Variants in CLCN6 observed in about 807,000 individuals in gnomAD.
The protein encoded by CLCN6 is H(+)/Cl(-) exchange transporter 6.
Under a neutral mutation model 109.8 loss-of-function variants are expected in CLCN6, and 70 were observed. The ratio of observed to expected loss-of-function variants is 0.64; its 90% CI spans 0.53 to 0.78. The LOEUF is 0.78. Among genes scored for constraint, CLCN6 ranks in the 30% least tolerant of loss-of-function variants. CLCN6 has a pLI of 0.00. For missense variants in CLCN6, 984 were observed against 1,142.3 expected (o/e 0.86, Z 2.00); for synonymous variants, 444 against 447.8 (o/e 0.99, Z 0.11).
intron 2 of CLCN6, among the ~76,000 whole-genome samples, chr1:11,813,325 A>T (rs114917281): frequency 0.011 from 1,625 of 152,190 alleles, 26 homozygotes; most frequent in African/African-American, 0.037. Flanking sequence ...TTAATCACTT[A>T]TGGATGAGTC....
In CLCN6 at chr1:11,830,893, G is replaced by A. The variant is rs916844417; in HGVS notation, c.1248+1571G>A. ...CTGTTACCCAGGCCGGAGTGCAGTG[G>A]CGCGATCTTGGCCCACTGCAACTTC... is the stretch of plus-strand genomic sequence containing the variant. On this transcript the variant is annotated intron_variant, in intron 13 of 22. Transcript: ENST00000346436. Among the ~76,000 whole-genome samples the A allele has an allele frequency of 5.9e-5, 9 of 151,930 alleles. No individual in the cohort carries two copies. The East Asian group carries it at 1.2e-3, about 20-fold the overall frequency.
intron 8 of CLCN6, among the ~76,000 whole-genome samples, chr1:11,825,698 C>T (rs1292488327): frequency 2.0e-5 from 3 of 152,224 alleles, no homozygotes; most frequent in Non-Finnish European, 4.4e-5. Flanking sequence ...TCTCTGCTCA[C>T]TACAGCCTCC....
Position 11,838,343 on chromosome 1 carries a change from C to G in CLCN6, c.2304C>G (p.Ser768Arg). Reference sequence around the variant, plus strand: ...CTGGGTTGGAATTGCAGAGCGCCAGCCAGCCGCGCCTCTCCTATGCCGAGA... The same window carrying G: ...CTGGGTTGGAATTGCAGAGCGCCAGGCAGCCGCGCCTCTCCTATGCCGAGA... ...VCYSESQSSA[S>R]QPRLSYAEMA... Residue 768 changes from serine (S) to arginine (R), a missense_variant, in exon 21 of 23, where the codon AGC becomes AGG. Coordinates refer to ENST00000346436, the MANE Select transcript of CLCN6 (RefSeq NM_001286.5). The G allele has an allele frequency of 2.5e-6, 4 of 1,613,696 alleles. No individual in the cohort carries two copies. The highest frequency in any genetic ancestry group is 3.4e-6 in the Non-Finnish European group (4 of 1,179,994).
rs796308001 is a variant in CLCN6 at position 11,813,392 on chromosome 1, A to ATT, written c.148-2439_148-2438dup. Among the ~76,000 whole-genome samples the ATT allele has an allele frequency of 2.7e-4, 39 of 142,850 alleles. 3 individuals are homozygous for ATT. Among genetic ancestry groups the ATT allele is most frequent in the Admixed American group, 8.5e-4 (12 of 14,178 alleles). 93.7% of individuals were successfully genotyped at this position (142,850 alleles called of 152,430 possible). ...GTTTCTTTTCTGATCAGTAAAAAAG[A>ATT]TTTTTTTTTTTTTTTTGAGACCGAG... On this transcript the variant is annotated intron_variant, in intron 2 of 22. Coordinates refer to ENST00000346436, the MANE Select transcript of CLCN6 (RefSeq NM_001286.5).
intron 13 of CLCN6, among the ~76,000 whole-genome samples, chr1:11,830,737 T>TTATA (rs369772847): frequency 0.052 from 4,688 of 90,810 alleles, 111 homozygotes; most frequent in Middle Eastern, 0.1. Flanking sequence ...TATGTATATA[T>TTATA]TATATATATA....
intron 10 of CLCN6, among the ~76,000 whole-genome samples, chr1:11,827,481 G>GCTGGAGGGCAGTGACGCGATC (rs1644828846): frequency 7.0e-6 from 1 of 143,034 alleles, no homozygotes; most frequent in Non-Finnish European, 1.5e-5. Context: ...TGTTGCCCAG[G>GCTGGAGGGCAGTGACGCGATC]CTGGAGGGCA....
At chr1:11,830,696 T>C (rs1393676119) in intron 13 of CLCN6, among the ~76,000 whole-genome samples, 1 of 149,018 alleles carries the variant, frequency 6.7e-6, no homozygotes, top group Non-Finnish European at 1.5e-5. Flanking sequence ...GCCCTTGTCT[T>C]GGAGGACAGC....
At chr1:11,806,634 A>G (rs1048073912) in intron 1 of CLCN6, 6 of 431,836 alleles carry the variant, frequency 1.4e-5, no homozygotes, top group Non-Finnish European at 2.4e-5. Context: ...GAATGAAACA[A>G]GCGTTTTCAG....
At chr1:11,822,659 G>T (rs1193504998) in intron 5 of CLCN6, 36 bp from the exon 6 acceptor site, 3 of 1,308,910 alleles carry the variant, frequency 2.3e-6, no homozygotes, top group Non-Finnish European at 3.3e-6. Flanking sequence ...ACACCCCTCG[G>T]CTGATGAACA....
intron 13 of CLCN6, chr1:11,829,972 A>G (rs1217064184): frequency 6.6e-6 from 1 of 152,244 alleles, no homozygotes; most frequent in African/African-American, 2.4e-5. Context: ...TATGACAGTC[A>G]CTCTTGAGAG....
Position 11,834,045 on chromosome 1 carries a change from T to TGC in CLCN6, c.1526+17_1526+18dup, listed in dbSNP as rs769790569. ...GTCCTAAAAAGGTACTCTGTGTGTG[T>TGC]GCGTGTGTGTGCGCATGTGCATGTG... On this transcript the variant is annotated intron_variant, in intron 15 of 22. Coordinates refer to ENST00000346436, the MANE Select transcript of CLCN6 (RefSeq NM_001286.5). This position sits in a 1 kb window ranked among gnomAD's most constrained non-coding sequence, Gnocchi z 4.5. The TGC allele has an allele frequency of 1.9e-6, 3 of 1,612,522 alleles. No individual in the cohort carries two copies. Among genetic ancestry groups the TGC allele is most frequent in the African/African-American group, 2.7e-5 (2 of 74,884 alleles).
chr1:11,818,009 C>T (rs536562047), intron 4 of CLCN6, among the ~76,000 whole-genome samples: 1 of 151,956 alleles, frequency 6.6e-6, no homozygotes. Flanking sequence ...CACCTGTAAT[C>T]CCAGCATTTT....
intron 2 of CLCN6, among the ~76,000 whole-genome samples, chr1:11,811,679 G>A (rs975687166): frequency 1.3e-5 from 2 of 152,160 alleles, no homozygotes; most frequent in African/African-American, 4.8e-5. Context: ...ACTGCGCCCA[G>A]CTAATTCCTA....
chr1:11,829,636 G>C (rs1557428788), intron 13 of CLCN6, among the ~76,000 whole-genome samples: 2 of 143,666 alleles, frequency 1.4e-5, no homozygotes, highest in Admixed American at 1.4e-4. Context: ...GAACAACCCT[G>C]GCGTCACAGA....
chr1:11,839,264 CTGT>C (rs747523524), intron 22 of CLCN6, among the ~76,000 whole-genome samples: 44 of 152,204 alleles, frequency 2.9e-4, no homozygotes, highest in South Asian at 6.2e-4. Context: ...GTTGTTGTTG[CTGT>C]TGTTGTTGTT....
intron 19 of CLCN6, 38 bp downstream of exon 19, chr1:11,837,194 A>G (rs1304788044): frequency 1.2e-6 from 2 of 1,609,940 alleles, no homozygotes; most frequent in African/African-American, 1.3e-5. Flanking sequence ...CCGCAGGGCT[A>G]CACAGCGGTG....
At chr1:11,831,666 T>C (rs368614711) in intron 13 of CLCN6, among the ~76,000 whole-genome samples, 67 of 152,292 alleles carry the variant, frequency 4.4e-4, no homozygotes, top group African/African-American at 1.6e-3. Flanking sequence ...TGTGGTCAAA[T>C]GGGCTAGGAA....
At chr1:11,824,354 G>T in intron 7 of CLCN6, 132 bp from the exon 8 acceptor site, 1 of 577,544 alleles carries the variant, frequency 1.7e-6, no homozygotes, top group East Asian at 3.0e-5. Flanking sequence ...GTGGGAATTT[G>T]GCTCTTTCTC....
rs1557437676 is a variant in CLCN6, at chr1:11,840,209, T to C, written c.2596T>C (p.Tyr866His). The change falls in exon 23 of 23, where the codon TAC becomes CAC. Residue 866 changes from tyrosine (Y) to histidine (H), a missense_variant. Tyr to His is a moderately conservative substitution (Grantham distance 83). Coordinates refer to ENST00000346436, the MANE Select transcript of CLCN6 (RefSeq NM_001286.5). ...EFLQARLRQHYQTI is the reference protein window; with the variant it reads ...EFLQARLRQHHQTI Reference sequence around the variant, plus strand: ...TCTGCAGGCCCGGCTGAGGCAGCACTACCAGACCATCTGACAGCCCAGCCC... The same window carrying C: ...TCTGCAGGCCCGGCTGAGGCAGCACCACCAGACCATCTGACAGCCCAGCCC... 2 of 1,613,022 alleles carry C rather than the reference T, an allele frequency of 1.2e-6. No homozygotes were observed. The highest frequency in any genetic ancestry group is 2.2e-5 in the East Asian group (1 of 44,886).
Sources: allele counts gnomAD v4.1 joint callset (sites outside exome capture counted in the v4.1 genomes callset), GRCh38; gene constraint gnomAD v4.1.1; non-coding constraint Gnocchi (gnomAD v3.1); transcripts MANE v1.5; gene names NCBI Gene and HGNC (gene_info 2026-07-23, HGNC 2026-07-21).